FAF1: variants seen among roughly 807,000 people sequenced by gnomAD.
FAF1 encodes the protein Fas associated factor 1, also known as FAS-associated factor 1.
In FAF1, 25 loss-of-function variants were observed where a neutral mutation model predicts 92.5. The observed-to-expected ratio is 0.27, with a 90% confidence interval of 0.20 to 0.38. The LOEUF (loss-of-function observed/expected upper bound fraction) is 0.38. Ranked by LOEUF, FAF1 falls within the 10% of genes least tolerant of loss-of-function variation. The pLI, the probability that FAF1 is intolerant of heterozygous loss-of-function variation, is 1.00. For synonymous variants in FAF1, 234 were observed against 273.2 expected (o/e 0.86, Z 1.42); for missense variants, 636 against 793.3 (o/e 0.80, Z 2.38).
rs768400978 is a variant in FAF1 at position 50,490,650 on chromosome 1, T to C, written c.1591A>G (p.Arg531Gly). 6.2e-7 allele frequency: 1 copy of C among 1,611,184 alleles called. No individual in the cohort carries two copies. Among genetic ancestry groups the C allele is most frequent in the Non-Finnish European group, 8.5e-7 (1 of 1,177,310 alleles). Reference protein sequence around the residue: ...ADRAKREAHEREMAEQFRLEQ... With the variant: ...ADRAKREAHEGEMAEQFRLEQ... The stretch of plus-strand genomic sequence containing the variant: ...AAACGAAACTGTTCTGCCATCTCTC[T>C]CTCGTGAGCTTCCCTCTGTTGATAA... Residue 531 changes from arginine (R) to glycine (G), a missense_variant, in exon 17 of 19, where the codon AGA becomes GGA. Physicochemically the swap from Arg to Gly is moderately radical, Grantham distance 125. Coordinates refer to ENST00000396153, the MANE Select transcript of FAF1 (RefSeq NM_007051.3).
Position 50,706,015 on chromosome 1 carries a change from A to G in FAF1, c.552-124T>C, listed in dbSNP as rs868652434. On this transcript the variant is annotated intron_variant, in intron 6 of 18. Transcript: ENST00000396153. Reference sequence around the variant, plus strand: ...CACAGGCATGTCTGGGCCCAATGTTATCATATTTTCAGCTCCTAAAGGCAA... The same window carrying G: ...CACAGGCATGTCTGGGCCCAATGTTGTCATATTTTCAGCTCCTAAAGGCAA... 21 of 572,488 alleles carry G rather than the reference A, an allele frequency of 3.7e-5. No individual in the cohort carries two copies. In the Middle Eastern group the frequency reaches 5.8e-3, roughly 158 times the overall value. 35.5% of individuals were successfully genotyped at this position (572,488 alleles called of 1,614,324 possible).
intron 17 of FAF1, among the ~76,000 whole-genome samples, chr1:50,476,464 T>G (rs1165512561): frequency 6.6e-6 from 1 of 152,152 alleles, no homozygotes; most frequent in Non-Finnish European, 1.5e-5. Context: ...TGAAGCAAAC[T>G]GTTGGAAGGT....
At chr1:50,894,325 A>C (rs995131629) in intron 1 of FAF1, among the ~76,000 whole-genome samples, 2 of 149,422 alleles carry the variant, frequency 1.3e-5, no homozygotes, top group Non-Finnish European at 3.0e-5. Flanking sequence ...AAAAAAAAAA[A>C]AAAAACTCCA....
At chr1:50,831,655 A>G (rs74080095) in intron 2 of FAF1, among the ~76,000 whole-genome samples, 1 of 152,162 alleles carries the variant, frequency 6.6e-6, no homozygotes, top group African/African-American at 2.4e-5. Context: ...TGGGTTGAAT[A>G]GTGTGTCTAA....
At chr1:50,679,873 G>C (rs1034147858) in intron 7 of FAF1, among the ~76,000 whole-genome samples, 5 of 152,092 alleles carry the variant, frequency 3.3e-5, no homozygotes, top group African/African-American at 1.2e-4. Flanking sequence ...CGGCAACTAA[G>C]ACATCTAATA....
intron 7 of FAF1, among the ~76,000 whole-genome samples, chr1:50,693,142 A>C (rs1253838939): frequency 1.3e-5 from 2 of 152,188 alleles, no homozygotes; most frequent in Non-Finnish European, 2.9e-5. Context: ...TACCTAACCC[A>C]AAAACCACGA....
At chr1:50,742,230 C>T (rs979901849) in intron 5 of FAF1, among the ~76,000 whole-genome samples, 3 of 151,982 alleles carry the variant, frequency 2.0e-5, no homozygotes, top group Non-Finnish European at 4.4e-5. Flanking sequence ...AGAAGCATCA[C>T]TTGAGTCTAG....
intron 2 of FAF1, among the ~76,000 whole-genome samples, chr1:50,843,015 CATA>C (rs1336065623): frequency 6.6e-6 from 1 of 152,100 alleles, no homozygotes; most frequent in Non-Finnish European, 1.5e-5. Flanking sequence ...TGAATTCATT[CATA>C]ATAAGAGAAT....
At chr1:50,862,449 A>C (rs1457256681) in intron 1 of FAF1, among the ~76,000 whole-genome samples, 1 of 151,932 alleles carries the variant, frequency 6.6e-6, no homozygotes, top group Non-Finnish European at 1.5e-5. Context: ...AGAGGAGAAT[A>C]AAGATGGGAT....
At chr1:50,602,891 A>G (rs911688085) in intron 8 of FAF1, among the ~76,000 whole-genome samples, 7 of 152,156 alleles carry the variant, frequency 4.6e-5, no homozygotes, top group Non-Finnish European at 8.8e-5. Flanking sequence ...GCTACTATTA[A>G]GAGCTCAGTA....
intron 1 of FAF1, among the ~76,000 whole-genome samples, chr1:50,942,216 TC>T (rs1462009540): frequency 6.6e-6 from 1 of 152,206 alleles, no homozygotes. Context: ...AGGAAAACGT[TC>T]AGGCCAGATG....
chr1:50,720,696 C>CT (rs1483434717), intron 6 of FAF1, among the ~76,000 whole-genome samples: 1 of 152,134 alleles, frequency 6.6e-6, no homozygotes, highest in African/African-American at 2.4e-5. Context: ...CCCTAGGAAT[C>CT]TTATCAACCA....
intron 2 of FAF1, among the ~76,000 whole-genome samples, chr1:50,839,279 AT>A (rs1378068329): frequency 6.6e-6 from 1 of 152,152 alleles, no homozygotes; most frequent in Non-Finnish European, 1.5e-5. Flanking sequence ...ATTTGGTTGC[AT>A]TAGTTTACAA....
At chr1:50,644,483 G>C (rs1038811207) in intron 8 of FAF1, among the ~76,000 whole-genome samples, 1 of 152,198 alleles carries the variant, frequency 6.6e-6, no homozygotes, top group Admixed American at 6.5e-5. Context: ...TAAAGACTTG[G>C]GGAACCCCAT....
chr1:50,568,497 G>A (rs528502042), intron 12 of FAF1, among the ~76,000 whole-genome samples: 50 of 152,216 alleles, frequency 3.3e-4, no homozygotes, highest in African/African-American at 1.0e-3. Flanking sequence ...GGTAAATTTC[G>A]TAATAGATGA....
intron 4 of FAF1, among the ~76,000 whole-genome samples, chr1:50,757,720 TA>T (rs1302353987): frequency 6.6e-6 from 1 of 152,160 alleles, no homozygotes; most frequent in Non-Finnish European, 1.5e-5. Context: ...TACCTTTTAT[TA>T]TAACATGAGA....
Position 50,633,292 on chromosome 1 carries a change from T to C in FAF1, c.744+22150A>G, listed in dbSNP as rs573122547. 2.7e-4 allele frequency among the ~76,000 whole-genome samples: 41 copies of C among 152,332 alleles called. No individual in the cohort carries two copies. The South Asian group carries it at 6.8e-3, about 25-fold the overall frequency. ...ACTTGTTACATATGGTTGGCGAACA[T>C]GTATTGATTCTTTAAAGTTTTATTC... On this transcript the variant is annotated intron_variant, in intron 8 of 18. Coordinates refer to ENST00000396153, the MANE Select transcript of FAF1 (RefSeq NM_007051.3).
intron 4 of FAF1, among the ~76,000 whole-genome samples, chr1:50,758,562 A>C (rs951658244): frequency 4.6e-5 from 7 of 152,230 alleles, no homozygotes; most frequent in African/African-American, 1.7e-4. Flanking sequence ...AATACAGAAA[A>C]GGTTTTTAAA....
At chr1:50,809,332 T>C (rs935429024) in intron 2 of FAF1, among the ~76,000 whole-genome samples, 1 of 151,948 alleles carries the variant, frequency 6.6e-6, no homozygotes, top group African/African-American at 2.4e-5. Flanking sequence ...AGTTAGTTCC[T>C]TGAAAGAATA....
Sources: gnomAD v4.1 joint callset for allele counts (sites outside exome capture counted in the v4.1 genomes callset) on GRCh38, gnomAD v4.1.1 for gene constraint, MANE v1.5 for transcripts, NCBI Gene and HGNC (gene_info 2026-07-23, HGNC 2026-07-21) for gene names.